Variants in TYK2 observed in about 807,000 individuals in gnomAD.
TYK2 encodes non-receptor tyrosine-protein kinase TYK2.
A neutral mutation model predicts 130.9 loss-of-function variants in TYK2; 65 were observed. The observed-to-expected ratio is 0.50, with a 90% CI of 0.41 to 0.61. The LOEUF (loss-of-function observed/expected upper bound fraction) is 0.61. Among genes scored for constraint, TYK2 ranks in the 20% least tolerant of loss-of-function variants. TYK2 has a pLI of 0.00. For missense variants in TYK2, 1,378 were observed against 1,610.7 expected (o/e 0.86, Z 2.47); for synonymous variants, 647 against 658.9 (o/e 0.98, Z 0.28).
chr19:10,362,315 C>A lies in TYK2; in HGVS notation c.1618G>T (p.Ala540Ser), dbSNP rs575869664. The A allele has an allele frequency of 6.2e-6, 10 of 1,614,164 alleles. No individual in the cohort carries two copies. The South Asian group carries it at 8.8e-5, about 14-fold the overall frequency. The change falls in exon 11 of 25, where the codon GCC becomes TCC. Residue 540 changes from alanine to serine, a missense_variant. Ala to Ser is a moderately conservative substitution (Grantham distance 99). Coordinates refer to ENST00000525621, the MANE Select transcript of TYK2 (RefSeq NM_003331.5). ...CGCAGAGAGAAGCAGTCATCCCCGG[C>A]CCTCAGCAAGCAGCCCTGCAAGGCA... The part of the protein sequence containing the change: ...GAALQGCLLR[A>S]GDDCFSLRRC...
Position 10,362,594 on chromosome 19 carries a change from G to C in TYK2, c.1431C>G (p.Thr477=). ...EDGLYLIHWS[T]SHPYRLILTV... ...TGAGGATCAGGCGGTAGGGGTGGCT[G>C]GTGCTCCAGTGAATGAGGTACAGGC... Residue 477 remains threonine, a synonymous_variant, in exon 10 of 25, where the codon ACC becomes ACG. Transcript: ENST00000525621. 1 of 1,553,736 alleles carries C rather than the reference G, an allele frequency of 6.4e-7. No homozygotes were observed. The highest frequency in any genetic ancestry group is 8.7e-7 in the Non-Finnish European group (1 of 1,148,150).
rs55956017 is a variant in TYK2, at chr19:10,364,904, C to T, written c.1156G>A (p.Val386Met). 53 of 1,614,212 alleles carry T rather than the reference C, an allele frequency of 3.3e-5. No individual in the cohort carries two copies. The East Asian group carries it at 8.7e-4, about 26-fold the overall frequency. ...CTGACACAGTGCTCTTTCAGCACCA[C>T]GTGGGTGATGTCCCGGAAGTCACAG... The part of the protein sequence containing the change: ...YFCDFRDITH[V>M]VLKEHCVSIH... The change falls in exon 8 of 25, where the codon GTG (valine) becomes ATG (methionine). Residue 386 changes from valine to methionine, a missense_variant. Transcript: ENST00000525621. The surrounding 1 kb of genome is among the most constrained non-coding windows in gnomAD (Gnocchi z 4.9).
chr19:10,368,054 C>T lies in TYK2; in HGVS notation c.465+1G>A. 6.2e-7 allele frequency: 1 copy of T among 1,614,138 alleles called. No individual in the cohort carries two copies. Among genetic ancestry groups the T allele is most frequent in the Non-Finnish European group, 8.5e-7 (1 of 1,180,016 alleles). On this transcript the variant is annotated splice_donor_variant, in intron 5 of 24. Coordinates refer to ENST00000525621, the MANE Select transcript of TYK2 (RefSeq NM_003331.5). LOFTEE classifies it high-confidence loss of function. ...TCTTGCCACCCCAGCCCTGCTCATA[C>T]CTGCTCAAAGAGGTACTCAAATGAG... is the stretch of plus-strand genomic sequence containing the variant.
chr19:10,374,728 C>T (rs1257315299), intron 3 of TYK2, among the ~76,000 whole-genome samples: 3 of 150,318 alleles, frequency 2.0e-5, no homozygotes, highest in African/African-American at 2.5e-5. Flanking sequence ...ACTAAAAATA[C>T]AAAAATTAGC....
chr19:10,368,058 C>T lies in TYK2; in HGVS notation c.462G>A (p.Glu154=). 6.2e-7 allele frequency: 1 copy of T among 1,614,160 alleles called. No homozygotes were observed. The highest frequency in any genetic ancestry group is 8.5e-7 in the Non-Finnish European group (1 of 1,180,038). The change falls in exon 5 of 25, where the codon GAG becomes GAA. Residue 154 remains glutamate, a synonymous_variant. Coordinates refer to ENST00000525621, the MANE Select transcript of TYK2 (RefSeq NM_003331.5). ...GCCACCCCAGCCCTGCTCATACCTG[C>T]TCAAAGAGGTACTCAAATGAGGCTG... ...LDPASFEYLF[E]QGKHEFVNDV... is the part of the protein sequence containing the mutation.
Position 10,378,256 on chromosome 19 carries a change from G to C in TYK2, c.151C>G (p.Leu51Val), listed in dbSNP as rs2042243634. Reference sequence around the variant, plus strand: ...TGGATGCAGACTTCCTCAGCTGTCAGCGATGACTCACTGAAAGTGACCCAG... The same window carrying C: ...TGGATGCAGACTTCCTCAGCTGTCACCGATGACTCACTGAAAGTGACCCAG... The part of the protein sequence containing the change: ...EPWVTFSESS[L>V]TAEEVCIHIA... The change falls in exon 3 of 25, where the codon CTG (leucine) becomes GTG (valine). Residue 51 changes from leucine to valine, a missense_variant. Leu to Val is a conservative substitution (Grantham distance 32). Transcript: ENST00000525621. 6.2e-7 allele frequency: 1 copy of C among 1,612,922 alleles called. No homozygotes were observed. The highest frequency in any genetic ancestry group is 8.5e-7 in the Non-Finnish European group (1 of 1,179,958).
Position 10,365,739 on chromosome 19 carries a change from G to A in TYK2, c.789C>T (p.Leu263=), listed in dbSNP as rs761512367. ...QMVMVKYLAT[L]ERLAPRFGTE... is the part of the protein sequence containing the mutation. ...TGCCGAAGCGGGGTGCCAGCCGCTC[G>A]AGTGTGGCTAGGTATTTGACCATGA... The change falls in exon 7 of 25, where the codon CTC becomes CTT. Residue 263 remains leucine, a synonymous_variant. Coordinates refer to ENST00000525621, the MANE Select transcript of TYK2 (RefSeq NM_003331.5). 2.7e-5 allele frequency: 44 copies of A among 1,612,888 alleles called. No homozygotes were observed. The highest frequency in any genetic ancestry group is 5.5e-5 in the South Asian group (5 of 91,042).
chr19:10,357,967 G>GC (rs2041186662), intron 16 of TYK2, 36 bp downstream of exon 16: 1 of 1,613,436 alleles, frequency 6.2e-7, no homozygotes, highest in Non-Finnish European at 8.5e-7. Flanking sequence ...AGCAGGGGAA[G>GC]CCCCCCACTG....
intron 11 of TYK2, 32 bp downstream of exon 11, chr19:10,362,232 C>T (rs759867682): frequency 3.1e-6 from 5 of 1,613,474 alleles, no homozygotes; most frequent in Non-Finnish European, 4.2e-6. Context: ...AGAGATGCCA[C>T]ATCCCACCCA....
intron 6 of TYK2, among the ~76,000 whole-genome samples, 184 bp from the exon 7 acceptor site, chr19:10,366,082 C>T (rs1271304145): frequency 1.3e-5 from 2 of 152,118 alleles, no homozygotes; most frequent in African/African-American, 2.4e-5. Context: ...GCGGAAGGAT[C>T]GCTTGAGGTC....
intron 23 of TYK2, 60 bp from the exon 24 acceptor site, chr19:10,351,222 C>T (rs781638502): frequency 8.8e-5 from 123 of 1,397,530 alleles, no homozygotes; most frequent in Non-Finnish European, 1.1e-4. Flanking sequence ...CACGGTGGCT[C>T]ATGCCTGTAA....
In TYK2 at chr19:10,361,921, A is replaced by C; in HGVS notation, c.1808T>G (p.Val603Gly). 6.2e-7 allele frequency: 1 copy of C among 1,613,756 alleles called. No homozygotes were observed. The highest frequency in any genetic ancestry group is 8.5e-7 in the Non-Finnish European group (1 of 1,179,942). The change falls in exon 13 of 25, where the codon GTG (valine) becomes GGG (glycine). Residue 603 changes from valine (V) to glycine (G), a missense_variant. Val to Gly is a moderately radical substitution (Grantham distance 109). Coordinates refer to ENST00000525621, the MANE Select transcript of TYK2 (RefSeq NM_003331.5). This position sits in a 1 kb window ranked among gnomAD's most constrained non-coding sequence, Gnocchi z 4.0. ...SHLGQGTRTNVYEGRLRVEGS... is the reference protein window; with the variant it reads ...SHLGQGTRTNGYEGRLRVEGS... Reference sequence around the variant, plus strand: ...CTCCACTCGCAGGCGGCCCTCATACACGTTGGTCCTTGTGCCCTGGCCCAA... The same window carrying C: ...CTCCACTCGCAGGCGGCCCTCATACCCGTTGGTCCTTGTGCCCTGGCCCAA...
chr19:10,359,727 C>A (rs1273563043), intron 14 of TYK2, among the ~76,000 whole-genome samples: 1 of 152,002 alleles, frequency 6.6e-6, no homozygotes, highest in Non-Finnish European at 1.5e-5. Context: ...CGCCTGTAAT[C>A]CCAGCACTTT....
Position 10,362,084 on chromosome 19 carries a change from G to A in TYK2, c.1767C>T (p.Ile589=). 1 of 1,614,066 alleles carries A rather than the reference G, an allele frequency of 6.2e-7. No individual in the cohort carries two copies. The highest frequency in any genetic ancestry group is 8.5e-7 in the Non-Finnish European group (1 of 1,179,996). The change falls in exon 12 of 25, where the codon ATC becomes ATT. Residue 589 remains isoleucine (I), a synonymous_variant. Coordinates refer to ENST00000525621, the MANE Select transcript of TYK2 (RefSeq NM_003331.5). ...LSFHRVDQKE[I]TQLSHLGQGT... The stretch of plus-strand genomic sequence containing the variant: ...GCCCCTTCCCTGCACCCACCTGGGT[G>A]ATCTCCTTCTGGTCAACCCGGTGGA...
chr19:10,357,373 G>A, intron 17 of TYK2: 1 of 630,980 alleles, frequency 1.6e-6, no homozygotes, highest in African/African-American at 1.8e-5. Flanking sequence ...TGGGCAATTA[G>A]AGTGGAACTT....
intron 5 of TYK2, among the ~76,000 whole-genome samples, chr19:10,367,486 G>A (rs1359234229): frequency 6.6e-6 from 1 of 152,022 alleles, no homozygotes; most frequent in Non-Finnish European, 1.5e-5. Flanking sequence ...TTAGCCTGGG[G>A]TGGTGGCGGG....
At chr19:10,352,350 G>C in intron 23 of TYK2, 84 bp downstream of exon 23, 1 of 941,444 alleles carries the variant, frequency 1.1e-6, no homozygotes, top group Non-Finnish European at 1.8e-6. Flanking sequence ...GGGATTACAG[G>C]CTTGAGCCAC....
intron 14 of TYK2, among the ~76,000 whole-genome samples, chr19:10,359,868 A>C (rs12720290): frequency 0.021 from 3,140 of 152,006 alleles, 112 homozygotes; most frequent in African/African-American, 0.071. Context: ...AAGACAAAAA[A>C]ATTAGCCAGG....
Position 10,361,891 on chromosome 19 carries a change from C to T in TYK2, c.1838G>A (p.Ser613Asn). The T allele has an allele frequency of 6.2e-7, 1 of 1,614,112 alleles. No homozygotes were observed. The highest frequency in any genetic ancestry group is 8.5e-7 in the Non-Finnish European group (1 of 1,180,016). ...CATCTTGCCCTCCTCAGGGTCCCCG[C>T]TGCCCTCCACTCGCAGGCGGCCCTC... is the stretch of plus-strand genomic sequence containing the variant. ...VYEGRLRVEG[S>N]GDPEEGKMDD... The change falls in exon 13 of 25, where the codon AGC becomes AAC. Residue 613 changes from serine (S) to asparagine (N), a missense_variant. Ser to Asn is a conservative substitution (Grantham distance 46). Coordinates refer to ENST00000525621, the MANE Select transcript of TYK2 (RefSeq NM_003331.5). The surrounding 1 kb of genome is among the most constrained non-coding windows in gnomAD (Gnocchi z 4.0).
Sources: allele counts gnomAD v4.1 joint callset (sites outside exome capture counted in the v4.1 genomes callset), GRCh38; gene constraint gnomAD v4.1.1; non-coding constraint Gnocchi (gnomAD v3.1); transcripts MANE v1.5; gene names NCBI Gene and HGNC (gene_info 2026-07-23, HGNC 2026-07-21).